STMN3: variants seen among roughly 807,000 people sequenced by gnomAD.
STMN3 encodes the protein stathmin 3, also known as stathmin-3.
A neutral mutation model predicts 23.2 loss-of-function variants in STMN3; 24 were observed. The observed-to-expected ratio is 1.03, with a 90% CI of 0.75 to 1.45. The LOEUF is 1.45. STMN3 is among the 40% of genes most tolerant of loss of function. The pLI is 0.00. For synonymous variants in STMN3, 117 were observed against 103.4 expected (o/e 1.13, Z -0.80); for missense variants, 235 against 237.6 (o/e 0.99, Z 0.07).
intron 3 of STMN3, among the ~76,000 whole-genome samples, chr20:63,643,180 G>T (rs2089782450): frequency 6.6e-6 from 1 of 152,172 alleles, no homozygotes; most frequent in African/African-American, 2.4e-5. Context: ...CTAGCATCCT[G>T]CTGGCCCTGA....
intron 4 of STMN3, among the ~76,000 whole-genome samples, 192 bp from the exon 5 acceptor site, chr20:63,641,589 G>A (rs898824709): frequency 6.6e-6 from 1 of 152,206 alleles, no homozygotes. Context: ...GACCAAGGAC[G>A]GGTTTCCTGG....
intron 3 of STMN3, among the ~76,000 whole-genome samples, chr20:63,642,970 T>G (rs1422591301): frequency 2.0e-5 from 3 of 152,094 alleles, no homozygotes; most frequent in Admixed American, 1.3e-4. Context: ...GACATTTTTA[T>G]CTCTGTTTCA....
chr20:63,650,958 CTTCT>C (rs1465958322), intron 1 of STMN3, among the ~76,000 whole-genome samples: 6 of 59,416 alleles, frequency 1.0e-4, no homozygotes, highest in South Asian at 9.5e-4. Context: ...CCTCTTCTTT[CTTCT>C]TTTTTTTTTT....
Position 63,646,457 on chromosome 20 carries a change from C to G in STMN3, c.20-2148G>C, listed in dbSNP as rs543698079. Among the ~76,000 whole-genome samples the G allele has an allele frequency of 2.6e-3, 402 of 152,130 alleles. 5 individuals are homozygous for G. Among genetic ancestry groups the G allele is most frequent in the African/African-American group, 9.2e-3 (383 of 41,428 alleles). On this transcript the variant is annotated intron_variant, in intron 1 of 4. Coordinates refer to ENST00000370053, the MANE Select transcript of STMN3 (RefSeq NM_015894.4). ...GCAAGCTCCGCCTCCTGGGTTCACACCATTCTCCTGCCTCAGCCTCCCGAG... is the reference window on the plus strand; with the variant it reads ...GCAAGCTCCGCCTCCTGGGTTCACAGCATTCTCCTGCCTCAGCCTCCCGAG...
chr20:63,648,742 C>T (rs944598916), intron 1 of STMN3, among the ~76,000 whole-genome samples: 1 of 152,150 alleles, frequency 6.6e-6, no homozygotes, highest in South Asian at 2.1e-4. Flanking sequence ...TCTCAAAAAA[C>T]AAAAACTGGA....
At position 63,652,612 on chromosome 20, in the gene STMN3, G is replaced by A; in HGVS notation, c.19+715C>T. 3.0e-6 allele frequency: 3 copies of A among 985,422 alleles called. No individual in the cohort carries two copies. Among genetic ancestry groups the A allele is most frequent in the Non-Finnish European group, 3.6e-6 (3 of 829,912 alleles). 61.0% of individuals were successfully genotyped at this position (985,422 alleles called of 1,614,324 possible). A position where few individuals can be genotyped will look rare whatever the true frequency, so the allele number is the denominator to read the frequency against. On this transcript the variant is annotated intron_variant, in intron 1 of 4. Coordinates refer to ENST00000370053, the MANE Select transcript of STMN3 (RefSeq NM_015894.4). The surrounding 1 kb of genome is among the most constrained non-coding windows in gnomAD (Gnocchi z 5.3). ...GGTCCGCCCCGCGGGAGGTGGAGGGGCGGGAGGGGCGGAGCCCTCTGGTCT... is the reference window on the plus strand; with the variant it reads ...GGTCCGCCCCGCGGGAGGTGGAGGGACGGGAGGGGCGGAGCCCTCTGGTCT...
intron 1 of STMN3, 77 bp downstream of exon 1, chr20:63,653,250 C>T: frequency 1.3e-6 from 2 of 1,508,474 alleles, no homozygotes; most frequent in Non-Finnish European, 8.9e-7. Flanking sequence ...CGCTGCCGGC[C>T]GCTGCCCCAG....
chr20:63,651,917 CGTCAGGGAAAGGCT>C (rs1447028609), intron 1 of STMN3, among the ~76,000 whole-genome samples: 1 of 152,138 alleles, frequency 6.6e-6, no homozygotes, highest in African/African-American at 2.4e-5. Flanking sequence ...GGGGAGGGAC[CGTCAGGGAAAGGCT>C]GTCAGGAAGG....
intron 1 of STMN3, among the ~76,000 whole-genome samples, chr20:63,647,948 G>GTGTGTGTGTATATATA (rs1320052757): frequency 1.6e-5 from 1 of 63,830 alleles, no homozygotes; most frequent in African/African-American, 5.9e-5. Context: ...GTGTGTGTGT[G>GTGTGTGTGTATATATA]TATATATATA....
In STMN3 at chr20:63,644,307, A is replaced by G; in HGVS notation, c.22T>C (p.Tyr8His). Residue 8 changes from tyrosine to histidine, a missense_variant and splice_region_variant, in exon 2 of 5, where the codon TAC becomes CAC. Coordinates refer to ENST00000370053, the MANE Select transcript of STMN3 (RefSeq NM_015894.4). Reference protein sequence around the residue: MASTISAYKEKMKELSVL... With the variant: MASTISAHKEKMKELSVL... ...GACAGCTCCTTCATCTTCTCCTTGT[A>G]GGCTGTGGGCACAAGGCTGGGCTGA... is the stretch of plus-strand genomic sequence containing the variant. 6.2e-7 allele frequency: 1 copy of G among 1,611,180 alleles called. No individual in the cohort carries two copies. The highest frequency in any genetic ancestry group is 8.5e-7 in the Non-Finnish European group (1 of 1,178,544).
rs1369547083 is a variant in STMN3, at chr20:63,647,776, G to A, written c.20-3467C>T. Among the ~76,000 whole-genome samples the A allele has an allele frequency of 8.8e-5, 10 of 114,008 alleles. No individual in the cohort carries two copies. In the South Asian group the frequency reaches 1.7e-3, roughly 19 times the overall value. 74.8% of individuals were successfully genotyped at this position (114,008 alleles called of 152,430 possible). A position where few individuals can be genotyped will look rare whatever the true frequency, so the allele number is the denominator to read the frequency against. ...ATATAATATATATACATATATACAC[G>A]TGTATATATATAATATATATACGTA... is the stretch of plus-strand genomic sequence containing the variant. On this transcript the variant is annotated intron_variant, in intron 1 of 4. Transcript: ENST00000370053.
rs2089787537 is a variant in STMN3 at position 63,643,808 on chromosome 20, G to A, written c.239C>T (p.Thr80Ile). ...CCGCTTTTGCAGCTCCTCCAGGGAG[G>A]TGTCCTTCTTCTTGGGTGGGGAGGA... is the stretch of plus-strand genomic sequence containing the variant. ...MLSSPPKKKDTSLEELQKRLE... is the reference protein window; with the variant it reads ...MLSSPPKKKDISLEELQKRLE... The change falls in exon 3 of 5, where the codon ACC (threonine) becomes ATC (isoleucine). Residue 80 changes from threonine to isoleucine, a missense_variant. Physicochemically the swap from Thr to Ile is moderately conservative, Grantham distance 89. Transcript: ENST00000370053. 2 of 1,561,830 alleles carry A rather than the reference G, an allele frequency of 1.3e-6. No homozygotes were observed. Among genetic ancestry groups the A allele is most frequent in the East Asian group, 2.4e-5 (1 of 42,194 alleles).
In STMN3 at chr20:63,648,145, C is replaced by T. The variant is rs74357138; in HGVS notation, c.20-3836G>A. Among the ~76,000 whole-genome samples, 1,267 of 151,112 alleles carry T rather than the reference C, an allele frequency of 8.4e-3. 17 individuals are homozygous for T. Among genetic ancestry groups the T allele is most frequent in the African/African-American group, 0.03 (1,222 of 41,092 alleles). ...TAGCCTATTAAAAATTAATGTTAAACAAGAGGATGTGATGAGGGAGTTAGA... is the reference window on the plus strand; with the variant it reads ...TAGCCTATTAAAAATTAATGTTAAATAAGAGGATGTGATGAGGGAGTTAGA... On this transcript the variant is annotated intron_variant, in intron 1 of 4. Transcript: ENST00000370053.
rs897135495 is a variant in STMN3, at chr20:63,643,763, C to T, written c.284G>A (p.Arg95Gln). 6 of 1,543,190 alleles carry T rather than the reference C, an allele frequency of 3.9e-6. No homozygotes were observed. Among genetic ancestry groups the T allele is most frequent in the South Asian group, 2.5e-5 (2 of 80,442 alleles). Residue 95 changes from arginine to glutamine, a missense_variant, in exon 3 of 5, where the codon CGG (arginine) becomes CAG (glutamine). Physicochemically the swap from Arg to Gln is conservative, Grantham distance 43 (BLOSUM62 1). Transcript: ENST00000370053. ...LQKRLEAAEE[R>Q]RKTQEAQVLK... ...GGATGGAGGACTCCTTGCCTTCCTC[C>T]GCTCCTCGGCTGCCTCCAGCCGCTT...
rs202108425 is a variant in STMN3 at position 63,644,240 on chromosome 20, T to C, written c.89A>G (p.His30Arg). Residue 30 changes from histidine (H) to arginine (R), a missense_variant, in exon 2 of 5, where the codon CAC (histidine) becomes CGC (arginine). Coordinates refer to ENST00000370053, the MANE Select transcript of STMN3 (RefSeq NM_015894.4). ...CCCGTACTGGTAGACGGTATTGGGG[T>C]GCGGCTGTGTGTAGAAGCAGGAGCA... The part of the protein sequence containing the change: ...LICSCFYTQP[H>R]PNTVYQYGDM... 8.7e-6 allele frequency: 14 copies of C among 1,613,546 alleles called. 1 individual carries two copies.
At chr20:63,647,960 GTATATATATATATATATATACATA>G (rs1303276934) in intron 1 of STMN3, among the ~76,000 whole-genome samples, 1 of 53,360 alleles carries the variant, frequency 1.9e-5, no homozygotes. Flanking sequence ...ATATATATAT[GTATATATATATATATATATACATA>G]TATATATACA....
chr20:63,644,401 T>A, intron 1 of STMN3, 92 bp from the exon 2 acceptor site: 1 of 958,084 alleles, frequency 1.0e-6, no homozygotes, highest in Non-Finnish European at 1.6e-6. Context: ...CTATCATGTC[T>A]CTGTGAGACA....
chr20:63,647,836 A>G (rs1027909708), intron 1 of STMN3, among the ~76,000 whole-genome samples: 4 of 128,456 alleles, frequency 3.1e-5, no homozygotes, highest in East Asian at 2.0e-4. Context: ...ATATACGTAT[A>G]TATGTATATA....
rs773392408 is a variant in STMN3, at chr20:63,652,460, G to A, written c.19+867C>T. The A allele has an allele frequency of 1.6e-6, 1 of 633,972 alleles. No homozygotes were observed. Among genetic ancestry groups the A allele is most frequent in the Non-Finnish European group, 2.0e-6 (1 of 508,324 alleles). The allele number at this position is 633,972 out of a possible 1,614,324, so 39.3% of individuals were successfully genotyped here. ...GGGCGGGCCCAGCGTCCTCGCGCCC[G>A]AGGTCGCCCGGCAGCTCCCCTGCGT... On this transcript the variant is annotated intron_variant, in intron 1 of 4. Transcript: ENST00000370053. This position sits in a 1 kb window ranked among gnomAD's most constrained non-coding sequence, Gnocchi z 5.3.
Sources: gnomAD v4.1 joint callset for allele counts (sites outside exome capture counted in the v4.1 genomes callset) on GRCh38, gnomAD v4.1.1 for gene constraint, Gnocchi (gnomAD v3.1) non-coding constraint, MANE v1.5 for transcripts, NCBI Gene and HGNC (gene_info 2026-07-23, HGNC 2026-07-21) for gene names.